The following ZNF212 variants were observed in gnomAD, a reference collection of about 807,000 sequenced individuals.
The protein encoded by ZNF212 is Zinc finger protein C2H2-150.
ZNF212 carries 32 observed loss-of-function variants against 47.3 expected under a neutral mutation model. That is an observed-to-expected ratio of 0.68 (90% CI 0.51 to 0.91). The LOEUF (loss-of-function observed/expected upper bound fraction) is 0.91, where lower values mean the gene tolerates loss of function less well. Ranked by LOEUF, ZNF212 falls within the 40% of genes least tolerant of loss-of-function variation. The pLI is 0.00. For synonymous variants in ZNF212, 242 were observed against 253.8 expected (o/e 0.95, Z 0.44); for missense variants, 555 against 622.8 (o/e 0.89, Z 1.16).
chr7:149,251,746 T>C (rs926196441), intron 3 of ZNF212, among the ~76,000 whole-genome samples: 2 of 150,380 alleles, frequency 1.3e-5, no homozygotes, highest in Non-Finnish European at 3.0e-5. Flanking sequence ...CACGTCGGCC[T>C]CCCAAAGTGC....
intron 1 of ZNF212, among the ~76,000 whole-genome samples, chr7:149,244,375 C>A (rs553134307): frequency 6.6e-6 from 1 of 151,960 alleles, no homozygotes; most frequent in Non-Finnish European, 1.5e-5. Context: ...TGCAGTGGTG[C>A]GATCTCGGCT....
intron 4 of ZNF212, 132 bp downstream of exon 4, chr7:149,252,927 T>C (rs1585597624): frequency 4.8e-6 from 4 of 839,436 alleles, no homozygotes; most frequent in East Asian, 5.4e-5. Context: ...GACTCCTTTA[T>C]GATTGTCGTT....
rs1796821334 is a variant in ZNF212 at position 149,255,257 on chromosome 7, C to G, written c.*842C>G. 1 of 153,128 alleles carries G rather than the reference C, an allele frequency of 6.5e-6. No individual in the cohort carries two copies. The allele number at this position is 153,128 out of a possible 1,614,324, so 9.5% of individuals were successfully genotyped here. On this transcript the variant is annotated 3_prime_UTR_variant, in exon 5 of 5. Coordinates refer to ENST00000335870, the MANE Select transcript of ZNF212 (RefSeq NM_012256.4). Reference sequence around the variant, plus strand: ...ACTTGCGGTGTCTCGGCATACCCCTCTCCTCTTCCCACCTCCTCCTGGCTA... The same window carrying G: ...ACTTGCGGTGTCTCGGCATACCCCTGTCCTCTTCCCACCTCCTCCTGGCTA...
At chr7:149,244,816 T>C (rs1165171164) in intron 1 of ZNF212, among the ~76,000 whole-genome samples, 1 of 152,202 alleles carries the variant, frequency 6.6e-6, no homozygotes, top group Non-Finnish European at 1.5e-5. Context: ...ACCCTCTTCA[T>C]GTGGCTTGGG....
chr7:149,247,598 T>G (rs1309207579), intron 1 of ZNF212, among the ~76,000 whole-genome samples: 1 of 152,184 alleles, frequency 6.6e-6, no homozygotes, highest in Non-Finnish European at 1.5e-5. Flanking sequence ...TCTTATATAG[T>G]GTGTCTGTTT....
intron 1 of ZNF212, among the ~76,000 whole-genome samples, chr7:149,242,091 G>A (rs188467625): frequency 6.8e-6 from 1 of 146,244 alleles, no homozygotes; most frequent in Admixed American, 7.0e-5. Flanking sequence ...AGCAATCTTG[G>A]CTGCCTGAAA....
At chr7:149,241,829 C>T (rs1184785753) in intron 1 of ZNF212, among the ~76,000 whole-genome samples, 1 of 152,128 alleles carries the variant, frequency 6.6e-6, no homozygotes, top group African/African-American at 2.4e-5. Context: ...AAGAAGCTCC[C>T]TAACCCAATC....
rs1563188806 is a variant in ZNF212 at position 149,250,351 on chromosome 7, GAGA to G, written c.223_225del (p.Lys75del). On this transcript the variant is annotated inframe_deletion, in exon 2 of 5. Coordinates refer to ENST00000335870, the MANE Select transcript of ZNF212 (RefSeq NM_012256.4). ...CCTGGAGGGGCGCACGGGGACAGCC[GAGA>G]AGAAGCTGGCTGACTGCGAGAAGAT... 1 of 1,614,166 alleles carries G rather than the reference GAGA, an allele frequency of 6.2e-7. No homozygotes were observed. Among genetic ancestry groups the G allele is most frequent in the Non-Finnish European group, 8.5e-7 (1 of 1,180,038 alleles).
In ZNF212 at chr7:149,248,467, T is replaced by C. The variant is rs151075094; in HGVS notation, c.25-1692T>C. 6.9e-3 allele frequency among the ~76,000 whole-genome samples: 1,044 copies of C among 152,350 alleles called. 12 individuals are homozygous for C. Among genetic ancestry groups the C allele is most frequent in the Admixed American group, 0.03 (459 of 15,304 alleles). On this transcript the variant is annotated intron_variant, in intron 1 of 4. Coordinates refer to ENST00000335870, the MANE Select transcript of ZNF212 (RefSeq NM_012256.4). Reference sequence around the variant, plus strand: ...GGATGGATCACAATTTTTTCATCCATTGACTGGTTCGTGAACATTTGAATT... The same window carrying C: ...GGATGGATCACAATTTTTTCATCCACTGACTGGTTCGTGAACATTTGAATT...
chr7:149,254,486 C>T lies in ZNF212; in HGVS notation c.*71C>T. 6.6e-7 allele frequency: 1 copy of T among 1,510,026 alleles called. No individual in the cohort carries two copies. The highest frequency in any genetic ancestry group is 8.8e-7 in the Non-Finnish European group (1 of 1,139,570). 93.5% of individuals were successfully genotyped at this position (1,510,026 alleles called of 1,614,324 possible). On this transcript the variant is annotated 3_prime_UTR_variant, in exon 5 of 5. Transcript: ENST00000335870. The surrounding 1 kb of genome is among the most constrained non-coding windows in gnomAD (Gnocchi z 4.5). ...GGTTCCCCCGAAGAGACACTGCAGT[C>T]AGGGACTGAGTTCTTCCTGAGGGCA...
chr7:149,250,935 G>T (rs1796746372), intron 3 of ZNF212, 128 bp downstream of exon 3: 1 of 1,262,782 alleles, frequency 7.9e-7, no homozygotes. Context: ...CACGGGCAGA[G>T]AAATGCCAGT....
In ZNF212 at chr7:149,254,669, A is replaced by G. The variant is rs1357274910; in HGVS notation, c.*254A>G. 8.0e-6 allele frequency: 4 copies of G among 497,324 alleles called. No homozygotes were observed. Among genetic ancestry groups the G allele is most frequent in the Non-Finnish European group, 1.0e-5 (3 of 292,082 alleles). 30.8% of individuals were successfully genotyped at this position (497,324 alleles called of 1,614,324 possible). ...GTCTCTGGTTTTCTCATTCATGCCAATGCTTGTGGGCTGGGGTTGGCGTTC... is the reference window on the plus strand; with the variant it reads ...GTCTCTGGTTTTCTCATTCATGCCAGTGCTTGTGGGCTGGGGTTGGCGTTC... On this transcript the variant is annotated 3_prime_UTR_variant, in exon 5 of 5. Transcript: ENST00000335870. The surrounding 1 kb of genome is among the most constrained non-coding windows in gnomAD (Gnocchi z 4.5).
chr7:149,247,420 G>A lies in ZNF212; in HGVS notation c.25-2739G>A, dbSNP rs184521036. ...CGTGCCTGACCTTTGTCTGATTCCCGTCACTTAGCATGTTGTTAAACATGT... is the reference window on the plus strand; with the variant it reads ...CGTGCCTGACCTTTGTCTGATTCCCATCACTTAGCATGTTGTTAAACATGT... On this transcript the variant is annotated intron_variant, in intron 1 of 4. Coordinates refer to ENST00000335870, the MANE Select transcript of ZNF212 (RefSeq NM_012256.4). Among the ~76,000 whole-genome samples the A allele has an allele frequency of 5.6e-3, 853 of 152,196 alleles. 6 individuals carry two copies. Among genetic ancestry groups the A allele is most frequent in the South Asian group, 0.023 (112 of 4,830 alleles).
chr7:149,248,823 G>A (rs1796713320), intron 1 of ZNF212, among the ~76,000 whole-genome samples: 1 of 152,172 alleles, frequency 6.6e-6, no homozygotes, highest in South Asian at 2.1e-4. Flanking sequence ...TGTCTCATGT[G>A]TTCCATGATG....
chr7:149,254,198 G>C lies in ZNF212; in HGVS notation c.1271G>C (p.Arg424Pro), dbSNP rs145263112. Residue 424 changes from arginine (R) to proline (P), a missense_variant, in exon 5 of 5, where the codon CGG (arginine) becomes CCG (proline). Arg to Pro is a moderately radical substitution (Grantham distance 103). Transcript: ENST00000335870. This position sits in a 1 kb window ranked among gnomAD's most constrained non-coding sequence, Gnocchi z 4.5. ...GGCCACATCCCTTGGAGGAAAAGCC[G>C]GAGTTCCCTCATCTGTGGTTACTGT... is the stretch of plus-strand genomic sequence containing the variant. ...LPGHIPWRKS[R>P]SSLICGYCGK... is the part of the protein sequence containing the mutation. The C allele has an allele frequency of 1.1e-5, 17 of 1,614,142 alleles. No homozygotes were observed. The highest frequency in any genetic ancestry group is 1.4e-5 in the Non-Finnish European group (16 of 1,180,046).
chr7:149,239,661 TG>T lies in ZNF212; in HGVS notation c.-116del. The T allele has an allele frequency of 1.4e-6, 1 of 700,200 alleles. No individual in the cohort carries two copies. The highest frequency in any genetic ancestry group is 1.9e-6 in the Non-Finnish European group (1 of 522,906). 43.4% of individuals were successfully genotyped at this position (700,200 alleles called of 1,614,324 possible). A position where few individuals can be genotyped will look rare whatever the true frequency, so the allele number is the denominator to read the frequency against. On this transcript the variant is annotated 5_prime_UTR_variant, in exon 1 of 5. Transcript: ENST00000335870. ...GAGGTCGCTGCTCCCAGAATGCACC[TG>T]GCATCAACACGGCGGCGGCGGCGGC... is the stretch of plus-strand genomic sequence containing the variant.
chr7:149,248,065 A>C (rs1796701989), intron 1 of ZNF212, among the ~76,000 whole-genome samples: 2 of 152,152 alleles, frequency 1.3e-5, no homozygotes, highest in African/African-American at 4.8e-5. Context: ...AGTGGGAACT[A>C]ATCCATTCCT....
rs1433348708 is a variant in ZNF212, at chr7:149,250,721, A to G, written c.455A>G (p.Glu152Gly). Residue 152 changes from glutamate to glycine, a missense_variant, in exon 3 of 5, where the codon GAG becomes GGG. Glu to Gly is a moderately conservative substitution (Grantham distance 98). Coordinates refer to ENST00000335870, the MANE Select transcript of ZNF212 (RefSeq NM_012256.4). ...SLENDGVCFTEQEWENLEDWQ... is the reference protein window; with the variant it reads ...SLENDGVCFTGQEWENLEDWQ... ...GAGAATGATGGCGTCTGTTTCACCG[A>G]GCAGGAATGGGAGAATCTGGAGGAT... 1.2e-6 allele frequency: 2 copies of G among 1,614,198 alleles called. No homozygotes were observed. Among genetic ancestry groups the G allele is most frequent in the Non-Finnish European group, 8.5e-7 (1 of 1,180,038 alleles).
chr7:149,246,460 G>A (rs1796678190), intron 1 of ZNF212, among the ~76,000 whole-genome samples: 1 of 150,376 alleles, frequency 6.6e-6, no homozygotes, highest in South Asian at 2.1e-4. Context: ...TCAGCTCACT[G>A]CAGGCTCCGC....
Sources: allele counts gnomAD v4.1 joint callset (sites outside exome capture counted in the v4.1 genomes callset), GRCh38; gene constraint gnomAD v4.1.1; non-coding constraint Gnocchi (gnomAD v3.1); transcripts MANE v1.5; gene names NCBI Gene and HGNC (gene_info 2026-07-23, HGNC 2026-07-21).